The following CFAP61 variants were observed in gnomAD, a reference collection of about 807,000 sequenced individuals.
The protein encoded by CFAP61 is cilia and flagella associated protein 61, also known as cilia- and flagella-associated protein 61.
A neutral mutation model predicts 135.6 loss-of-function variants in CFAP61; 107 were observed. The ratio of observed to expected loss-of-function variants is 0.79; its 90% CI spans 0.67 to 0.93. The LOEUF (loss-of-function observed/expected upper bound fraction) is 0.93. CFAP61 is among the 40% of genes least tolerant of loss of function. CFAP61 has a pLI of 0.00. For missense variants in CFAP61, 1,507 were observed against 1,556.2 expected (o/e 0.97, Z 0.53); for synonymous variants, 575 against 578.5 (o/e 0.99, Z 0.09).
chr20:20,161,776 G>A (rs1158202581), intron 10 of CFAP61, among the ~76,000 whole-genome samples: 3 of 152,200 alleles, frequency 2.0e-5, no homozygotes, highest in Non-Finnish European at 2.9e-5. Context: ...GATTTAGCCT[G>A]TGCTGCATGG....
chr20:20,272,286 A>G (rs1014458635), intron 21 of CFAP61, among the ~76,000 whole-genome samples: 4 of 152,132 alleles, frequency 2.6e-5, no homozygotes, highest in Non-Finnish European at 4.4e-5. Context: ...TTAAAAATAT[A>G]AAAATTAGCC....
intron 17 of CFAP61, among the ~76,000 whole-genome samples, chr20:20,222,495 T>C (rs2096634501): frequency 1.3e-5 from 2 of 152,132 alleles, no homozygotes; most frequent in Admixed American, 6.5e-5. Flanking sequence ...TTACACTTTT[T>C]CCGAAGTGCT....
intron 25 of CFAP61, among the ~76,000 whole-genome samples, chr20:20,304,097 T>G (rs2122159168): frequency 6.6e-6 from 1 of 152,260 alleles, no homozygotes; most frequent in East Asian, 1.9e-4. Context: ...GCGGCCGAGC[T>G]GTCAGCCGCC....
intron 8 of CFAP61, among the ~76,000 whole-genome samples, chr20:20,123,779 T>C (rs1365061388): frequency 6.6e-6 from 1 of 151,618 alleles, no homozygotes; most frequent in East Asian, 1.9e-4. Flanking sequence ...ATGATGGTGG[T>C]ATTTTGATGG....
chr20:20,295,584 C>G (rs1207785730), intron 24 of CFAP61, among the ~76,000 whole-genome samples: 1 of 152,158 alleles, frequency 6.6e-6, no homozygotes, highest in African/African-American at 2.4e-5. Flanking sequence ...TTTCCAAACT[C>G]AAATGGTCTT....
intron 19 of CFAP61, among the ~76,000 whole-genome samples, chr20:20,250,763 C>G (rs1273769791): frequency 1.3e-5 from 2 of 152,186 alleles, no homozygotes; most frequent in Non-Finnish European, 2.9e-5. Context: ...TCAATCCTTT[C>G]AGAAAATTCT....
At chr20:20,089,911 G>A (rs986788577) in intron 6 of CFAP61, among the ~76,000 whole-genome samples, 1 of 152,212 alleles carries the variant, frequency 6.6e-6, no homozygotes, top group African/African-American at 2.4e-5. Flanking sequence ...AGGAATAAAG[G>A]ATGCCATGGG....
intron 24 of CFAP61, among the ~76,000 whole-genome samples, chr20:20,290,839 T>G (rs1380259163): frequency 6.6e-6 from 1 of 152,212 alleles, no homozygotes; most frequent in Non-Finnish European, 1.5e-5. Flanking sequence ...GCCTCCTTCA[T>G]GCCTTCAGGT....
intron 18 of CFAP61, among the ~76,000 whole-genome samples, chr20:20,243,742 A>G (rs2050201680): frequency 6.6e-6 from 1 of 152,048 alleles, no homozygotes; most frequent in African/African-American, 2.4e-5. Context: ...TGGCCCCCCA[A>G]AGTCTTAAAT....
rs112115550 is a variant in CFAP61 at position 20,116,782 on chromosome 20, C to T, written c.859+17968C>T. Among the ~76,000 whole-genome samples, 538 of 152,158 alleles carry T rather than the reference C, an allele frequency of 3.5e-3. 1 individual carries two copies. Among genetic ancestry groups the T allele is most frequent in the Non-Finnish European group, 6.3e-3 (431 of 67,998 alleles). ...CTCTACTCTTCCTGACCTCTAGTAA[C>T]CAGCAGTCTATTCTCTATCTTCATG... On this transcript the variant is annotated intron_variant, in intron 8 of 26. Coordinates refer to ENST00000245957, the MANE Select transcript of CFAP61 (RefSeq NM_015585.4).
At chr20:20,119,629 A>G (rs1302249303) in intron 8 of CFAP61, among the ~76,000 whole-genome samples, 1 of 149,700 alleles carries the variant, frequency 6.7e-6, no homozygotes, top group Non-Finnish European at 1.5e-5. Flanking sequence ...TGTTTTGGCT[A>G]TGAAGAAATG....
At chr20:20,260,573 TAC>T (rs1481597428) in intron 20 of CFAP61, among the ~76,000 whole-genome samples, 3 of 152,362 alleles carry the variant, frequency 2.0e-5, no homozygotes, top group African/African-American at 7.2e-5. Context: ...AAAACAACTC[TAC>T]ACATTTAAGT....
intron 25 of CFAP61, among the ~76,000 whole-genome samples, chr20:20,338,696 A>G (rs779502302): frequency 1.4e-4 from 22 of 151,972 alleles, no homozygotes; most frequent in Admixed American, 2.0e-4. Flanking sequence ...TTTTCCTACA[A>G]TTTCTCCCAG....
At chr20:20,212,011 G>C (rs533444759) in intron 17 of CFAP61, among the ~76,000 whole-genome samples, 1 of 152,138 alleles carries the variant, frequency 6.6e-6, no homozygotes, top group Non-Finnish European at 1.5e-5. Flanking sequence ...AGTTGAGCAG[G>C]TCCCAAAGAT....
chr20:20,257,451 C>T (rs944815246), intron 20 of CFAP61, among the ~76,000 whole-genome samples: 1 of 151,904 alleles, frequency 6.6e-6, no homozygotes, highest in African/African-American at 2.4e-5. Context: ...CCCATCTCTA[C>T]TAAAAATACA....
intron 12 of CFAP61, among the ~76,000 whole-genome samples, chr20:20,167,008 G>A (rs2053888333): frequency 6.6e-6 from 1 of 152,036 alleles, no homozygotes; most frequent in African/African-American, 2.4e-5. Context: ...TATTTTCTAG[G>A]GATGAAGATC....
At chr20:20,100,433 A>G (rs558893263) in intron 8 of CFAP61, among the ~76,000 whole-genome samples, 3 of 152,230 alleles carry the variant, frequency 2.0e-5, no homozygotes, top group African/African-American at 7.2e-5. Flanking sequence ...TCAGCCTCCC[A>G]AAGTGCTGGG....
intron 17 of CFAP61, among the ~76,000 whole-genome samples, chr20:20,204,849 C>T (rs1170478524): frequency 4.6e-5 from 7 of 152,162 alleles, no homozygotes; most frequent in African/African-American, 9.7e-5. Flanking sequence ...TTTAAATCAT[C>T]GCCATGAGTC....
intron 2 of CFAP61, among the ~76,000 whole-genome samples, chr20:20,060,962 G>A (rs184538392): frequency 6.6e-6 from 1 of 152,326 alleles, no homozygotes; most frequent in Admixed American, 6.5e-5. Flanking sequence ...AGCCACTGCT[G>A]CCATTTGATA....
Sources: gnomAD v4.1 joint callset for allele counts (sites outside exome capture counted in the v4.1 genomes callset) on GRCh38, gnomAD v4.1.1 for gene constraint, MANE v1.5 for transcripts, NCBI Gene and HGNC (gene_info 2026-07-23, HGNC 2026-07-21) for gene names.